TMEM209: variants seen among roughly 807,000 people sequenced by gnomAD.
TMEM209 encodes the protein testicular tissue protein Li 202.
Under a neutral mutation model 76.2 loss-of-function variants are expected in TMEM209, and 65 were observed. The ratio of observed to expected loss-of-function variants is 0.85; its 90% CI spans 0.70 to 1.05. The LOEUF is 1.05. Ranked by LOEUF, TMEM209 falls within the 50% of genes least tolerant of loss-of-function variation. The pLI is 0.00. For missense variants in TMEM209, 623 were observed against 685.5 expected (o/e 0.91, Z 1.02); for synonymous variants, 239 against 237.6 (o/e 1.01, Z -0.06).
At chr7:130,197,647 C>T (rs1584693901) in intron 5 of TMEM209, among the ~76,000 whole-genome samples, 1 of 152,274 alleles carries the variant, frequency 6.6e-6, no homozygotes, top group South Asian at 2.1e-4. Context: ...TTTCAGCAGA[C>T]AGAATAACTT....
intron 11 of TMEM209, among the ~76,000 whole-genome samples, chr7:130,174,840 T>A (rs1404431267): frequency 2.6e-5 from 4 of 152,044 alleles, no homozygotes; most frequent in African/African-American, 9.7e-5. Context: ...AGGTCCACTA[T>A]AGGAGAATAG....
Position 130,201,980 on chromosome 7 carries a change from G to C in TMEM209, c.443C>G (p.Pro148Arg), listed in dbSNP as rs777389483. ...GGTGGTGAACTTGGGACTGGTACTG[G>C]GCGAACGAGAAGGGCTATAACTCAA... ...SVLSYSPSRS[P>R]STSPKFTTSC... Residue 148 changes from proline to arginine, a missense_variant, in exon 5 of 15, where the codon CCC becomes CGC. Physicochemically the swap from Pro to Arg is moderately radical, Grantham distance 103. Coordinates refer to ENST00000397622, the MANE Select transcript of TMEM209 (RefSeq NM_032842.4). 6.2e-7 allele frequency: 1 copy of C among 1,613,894 alleles called. No homozygotes were observed. The highest frequency in any genetic ancestry group is 2.2e-5 in the East Asian group (1 of 44,886).
At chr7:130,176,279 ATTT>A (rs752228646) in intron 10 of TMEM209, among the ~76,000 whole-genome samples, 1 of 143,374 alleles carries the variant, frequency 7.0e-6, no homozygotes, top group Non-Finnish European at 1.5e-5. Context: ...CGCCCAGCTA[ATTT>A]TTTTTTTTTT....
chr7:130,204,943 T>C (rs1403542262), intron 1 of TMEM209: 22 of 1,073,160 alleles, frequency 2.1e-5, no homozygotes, highest in Non-Finnish European at 2.5e-5. Flanking sequence ...AGGACAAGGA[T>C]CCAAGTTTTA....
chr7:130,181,587 A>T lies in TMEM209; in HGVS notation c.1120+36T>A, dbSNP rs763468976. On this transcript the variant is annotated intron_variant, in intron 9 of 14. Transcript: ENST00000397622. ...AAGTTTTCCACTTGGTAGATTTACTAATAGAAATCCAACACTGGGCTCTGT... is the reference window on the plus strand; with the variant it reads ...AAGTTTTCCACTTGGTAGATTTACTTATAGAAATCCAACACTGGGCTCTGT... 4.5e-6 allele frequency: 7 copies of T among 1,550,024 alleles called. No homozygotes were observed. In the South Asian group the frequency reaches 8.1e-5, roughly 18 times the overall value.
At chr7:130,176,115 C>CTT (rs71178559) in intron 10 of TMEM209, among the ~76,000 whole-genome samples, 36,056 of 140,354 alleles carry the variant, frequency 0.26, 4,980 homozygotes, top group East Asian at 0.38. Flanking sequence ...TCACTGTATT[C>CTT]TTTTTTTTTT....
At chr7:130,181,784 C>A (rs1477146327) in intron 8 of TMEM209, 65 bp from the exon 9 acceptor site, 12 of 1,339,538 alleles carry the variant, frequency 9.0e-6, no homozygotes, top group Non-Finnish European at 1.1e-5. Context: ...TAATTACTTT[C>A]TTTTTTACAA....
chr7:130,200,718 T>C (rs1317585414), intron 5 of TMEM209, among the ~76,000 whole-genome samples: 3 of 152,214 alleles, frequency 2.0e-5, no homozygotes, highest in African/African-American at 7.2e-5. Flanking sequence ...TAATTTTCAC[T>C]ACATATATAC....
At chr7:130,194,923 A>G (rs1797920774) in intron 5 of TMEM209, among the ~76,000 whole-genome samples, 1 of 152,198 alleles carries the variant, frequency 6.6e-6, no homozygotes, top group Non-Finnish European at 1.5e-5. Context: ...TTTGAAAATA[A>G]AAAGGTTAAT....
intron 10 of TMEM209, 24 bp from the exon 11 acceptor site, chr7:130,175,633 T>A: frequency 1.3e-6 from 2 of 1,582,268 alleles, no homozygotes; most frequent in South Asian, 1.1e-5. Context: ...GTGAAATTTT[T>A]AAAAGCTAAG....
At chr7:130,200,682 A>C (rs1327421170) in intron 5 of TMEM209, among the ~76,000 whole-genome samples, 1 of 152,180 alleles carries the variant, frequency 6.6e-6, no homozygotes, top group East Asian at 1.9e-4. Context: ...AATTATTTTT[A>C]AAAGTCACAT....
At chr7:130,198,685 A>G (rs1798080651) in intron 5 of TMEM209, among the ~76,000 whole-genome samples, 1 of 152,220 alleles carries the variant, frequency 6.6e-6, no homozygotes. Flanking sequence ...AGCTTTTACT[A>G]TATTCATAAA....
chr7:130,201,822 TGACTA>T (rs1798212085), intron 5 of TMEM209, 23 bp downstream of exon 5: 1 of 1,612,276 alleles, frequency 6.2e-7, no homozygotes, highest in African/African-American at 1.3e-5. Context: ...TAAAATAATG[TGACTA>T]GACAAGAGAA....
intron 6 of TMEM209, among the ~76,000 whole-genome samples, chr7:130,187,248 CA>C (rs969129494): frequency 4.8e-5 from 7 of 145,182 alleles, no homozygotes; most frequent in African/African-American, 1.0e-4. Context: ...ATCTCAAAAA[CA>C]AAAAAAACCT....
chr7:130,178,041 C>T (rs1797296251), intron 10 of TMEM209, among the ~76,000 whole-genome samples: 1 of 152,120 alleles, frequency 6.6e-6, no homozygotes. Flanking sequence ...TCAGTCTCCT[C>T]AGGAGAGCAC....
intron 14 of TMEM209, among the ~76,000 whole-genome samples, chr7:130,167,192 T>TC (rs1382806405): frequency 1.3e-5 from 2 of 152,164 alleles, no homozygotes; most frequent in African/African-American, 4.8e-5. Flanking sequence ...ACAGTCCACT[T>TC]CGAGAAGCAG....
intron 5 of TMEM209, among the ~76,000 whole-genome samples, chr7:130,197,446 C>T (rs960063756): frequency 3.3e-5 from 5 of 152,058 alleles, no homozygotes; most frequent in Admixed American, 6.5e-5. Flanking sequence ...ACAGTGGTTG[C>T]CAGAGACTTA....
chr7:130,186,237 A>C (rs1331506623), intron 6 of TMEM209, among the ~76,000 whole-genome samples: 1 of 152,236 alleles, frequency 6.6e-6, no homozygotes, highest in East Asian at 1.9e-4. Flanking sequence ...TAATCTTAGC[A>C]GAATTCTAAA....
At position 130,173,865 on chromosome 7, in the gene TMEM209, A is replaced by C; in HGVS notation, c.1419T>G (p.Thr473=). The change falls in exon 12 of 15, where the codon ACT becomes ACG. Residue 473 remains threonine (T), a synonymous_variant. Transcript: ENST00000397622. ...PPHPKYPDGK[T]FTSQHFVQTP... ...TCTGAACAAAGTGCTGAGAAGTAAAAGTTTTTCCGTCGGGATACTTCGGAT... is the reference window on the plus strand; with the variant it reads ...TCTGAACAAAGTGCTGAGAAGTAAACGTTTTTCCGTCGGGATACTTCGGAT... 6.2e-7 allele frequency: 1 copy of C among 1,613,970 alleles called. No homozygotes were observed. The highest frequency in any genetic ancestry group is 8.5e-7 in the Non-Finnish European group (1 of 1,179,834).
Sources: gnomAD v4.1 joint callset for allele counts (sites outside exome capture counted in the v4.1 genomes callset) on GRCh38, gnomAD v4.1.1 for gene constraint, MANE v1.5 for transcripts, NCBI Gene and HGNC (gene_info 2026-07-23, HGNC 2026-07-21) for gene names.